The following CCDC40 variants were observed in gnomAD, a reference collection of about 807,000 sequenced individuals.
The protein encoded by CCDC40 is coiled-coil domain-containing protein 40.
Under a neutral mutation model 124.5 loss-of-function variants are expected in CCDC40, and 104 were observed. That is an observed-to-expected ratio of 0.84 (90% confidence interval 0.71 to 0.98). The LOEUF (loss-of-function observed/expected upper bound fraction) is 0.98, where lower values mean the gene tolerates loss of function less well. CCDC40 is among the 50% of genes least tolerant of loss of function. The pLI, the probability that CCDC40 is intolerant of heterozygous loss-of-function variation, is 0.00. For synonymous variants in CCDC40, 580 were observed against 602.9 expected (o/e 0.96, Z 0.56); for missense variants, 1,463 against 1,503.9 (o/e 0.97, Z 0.45).
chr17:80,066,015 G>A lies in CCDC40; in HGVS notation c.1562+409G>A. 1 of 682,076 alleles carries A rather than the reference G, an allele frequency of 1.5e-6. No individual in the cohort carries two copies. The highest frequency in any genetic ancestry group is 2.7e-6 in the Non-Finnish European group (1 of 374,498). The allele number at this position is 682,076 out of a possible 1,614,324, so 42.3% of individuals were successfully genotyped here. ...CGAAATCCTATTTTAATCTCCAAAG[G>A]AAGGGGAGGAAGAGGCCTCCTCTGG... On this transcript the variant is annotated intron_variant, in intron 10 of 19. Transcript: ENST00000397545. This position sits in a 1 kb window ranked among gnomAD's most constrained non-coding sequence, Gnocchi z 4.4.
Position 80,074,375 on chromosome 17 carries a change from C to G in CCDC40, c.1563-7171C>G, listed in dbSNP as rs761327268. ...AATACAAAAAGTTATCCAGGCATGG[C>G]GGCAGGTGCTGAGGCAGGAGAATCA... On this transcript the variant is annotated intron_variant, in intron 10 of 19. Coordinates refer to ENST00000397545, the MANE Select transcript of CCDC40 (RefSeq NM_017950.4). Among the ~76,000 whole-genome samples the G allele has an allele frequency of 2.6e-5, 4 of 152,224 alleles. No homozygotes were observed. The East Asian group carries it at 7.8e-4, about 30-fold the overall frequency.
Position 80,048,614 on chromosome 17 carries a change from C to T in CCDC40, c.708C>T (p.Pro236=), listed in dbSNP as rs769809719. Residue 236 remains proline, a synonymous_variant, in exon 5 of 20, where the codon CCC becomes CCT. Transcript: ENST00000397545. Reference sequence around the variant, plus strand: ...CCCCAGGGGTGCCCGATGCCCACCCCAGGGAAGGAGACCTGCCAGTGTTCC... The same window carrying T: ...CCCCAGGGGTGCCCGATGCCCACCCTAGGGAAGGAGACCTGCCAGTGTTCC... ...VIPPGVPDAH[P]REGDLPVFQD... The T allele has an allele frequency of 1.1e-5, 18 of 1,613,906 alleles. No individual in the cohort carries two copies. The highest frequency in any genetic ancestry group is 5.0e-5 in the Admixed American group (3 of 60,006).
At chr17:80,051,668 C>G (rs1483310419) in intron 7 of CCDC40, among the ~76,000 whole-genome samples, 1 of 149,604 alleles carries the variant, frequency 6.7e-6, no homozygotes, top group Non-Finnish European at 1.5e-5. Context: ...AAAAGAACCT[C>G]TCTCCAGTTA....
intron 10 of CCDC40, among the ~76,000 whole-genome samples, chr17:80,080,201 A>G (rs2038414446): frequency 1.1e-5 from 1 of 92,286 alleles, no homozygotes; most frequent in African/African-American, 5.2e-5. Flanking sequence ...CTCAAAAAAA[A>G]AAAAAGAAAG....
At chr17:80,061,654 C>T (rs1434049894) in intron 9 of CCDC40, among the ~76,000 whole-genome samples, 1 of 152,190 alleles carries the variant, frequency 6.6e-6, no homozygotes, top group African/African-American at 2.4e-5. Context: ...ATTTCCAGTA[C>T]CCAGAACAGT....
intron 7 of CCDC40, 25 bp downstream of exon 7, chr17:80,050,308 C>T (rs368725267): frequency 1.2e-5 from 18 of 1,532,616 alleles, no homozygotes; most frequent in African/African-American, 6.9e-5. Flanking sequence ...CAGCCCCACA[C>T]GCCATCCGGT....
intron 17 of CCDC40, chr17:80,090,845 T>C: frequency 8.7e-7 from 1 of 1,149,464 alleles, no homozygotes; most frequent in South Asian, 2.3e-5. Flanking sequence ...TGCTGAGTTA[T>C]TTTTCAGATC....
Position 80,063,233 on chromosome 17 carries a change from G to C in CCDC40, c.1441-2252G>C, listed in dbSNP as rs1277786295. On this transcript the variant is annotated intron_variant, in intron 9 of 19. Transcript: ENST00000397545. ...ATAGGAGATTATGAAACAATATATA[G>C]AATTTGATTTCGCACACACACACAA... is the stretch of plus-strand genomic sequence containing the variant. Among the ~76,000 whole-genome samples, 4 of 152,042 alleles carry C rather than the reference G, an allele frequency of 2.6e-5. No individual in the cohort carries two copies. The East Asian group carries it at 7.7e-4, about 29-fold the overall frequency.
chr17:80,098,674 C>T (rs1324040799), intron 19 of CCDC40, among the ~76,000 whole-genome samples: 1 of 152,166 alleles, frequency 6.6e-6, no homozygotes, highest in Non-Finnish European at 1.5e-5. Context: ...CACGGTGGCT[C>T]ATGCCTGTAA....
intron 19 of CCDC40, among the ~76,000 whole-genome samples, chr17:80,099,100 G>A (rs1598558572): frequency 6.7e-6 from 1 of 150,032 alleles, no homozygotes; most frequent in East Asian, 2.0e-4. Context: ...GGCTAACACG[G>A]TGAAACCCTG....
chr17:80,077,089 G>A (rs1314603196), intron 10 of CCDC40, among the ~76,000 whole-genome samples: 1 of 152,130 alleles, frequency 6.6e-6, no homozygotes, highest in Non-Finnish European at 1.5e-5. Flanking sequence ...ATAGACTACA[G>A]TAAAGTATGC....
Position 80,087,648 on chromosome 17 carries a change from C to T in CCDC40, c.2491C>T (p.His831Tyr). The change falls in exon 15 of 20, where the codon CAC (histidine) becomes TAC (tyrosine). Residue 831 changes from histidine (H) to tyrosine (Y), a missense_variant. Coordinates refer to ENST00000397545, the MANE Select transcript of CCDC40 (RefSeq NM_017950.4). This position sits in a 1 kb window ranked among gnomAD's most constrained non-coding sequence, Gnocchi z 4.5. The part of the protein sequence containing the change: ...QEKKEQKEIE[H>Y]HMKDLDNDLK... ...GAAGAAGGAGCAGAAGGAGATCGAG[C>T]ACCACATGAAGGACCTGGACAACGA... is the stretch of plus-strand genomic sequence containing the variant. 3 of 1,614,076 alleles carry T rather than the reference C, an allele frequency of 1.9e-6. No homozygotes were observed. The highest frequency in any genetic ancestry group is 2.5e-6 in the Non-Finnish European group (3 of 1,179,940).
rs1208273930 is a variant in CCDC40, at chr17:80,084,829, G to A, written c.2076G>A (p.Gln692=). The A allele has an allele frequency of 1.9e-6, 3 of 1,614,212 alleles. No homozygotes were observed. Among genetic ancestry groups the A allele is most frequent in the Non-Finnish European group, 2.5e-6 (3 of 1,180,048 alleles). The part of the protein sequence containing the change: ...THTSSRLDAH[Q]KTLVELDQDV... ...CCAGCAGCAGGCTGGACGCACACCAGAAGACCCTGGTGGAGCTGGACCAGG... is the reference window on the plus strand; with the variant it reads ...CCAGCAGCAGGCTGGACGCACACCAAAAGACCCTGGTGGAGCTGGACCAGG... The change falls in exon 13 of 20, where the codon CAG becomes CAA. Residue 692 remains glutamine, a synonymous_variant. Transcript: ENST00000397545.
chr17:80,078,284 TCA>T, intron 10 of CCDC40, among the ~76,000 whole-genome samples: 1 of 135,680 alleles, frequency 7.4e-6, no homozygotes, highest in Admixed American at 8.6e-5. Context: ...GGAGCCAAGA[TCA>T]CGCCACTGCA....
chr17:80,041,401 G>A (rs2037278727), intron 3 of CCDC40, among the ~76,000 whole-genome samples: 1 of 151,944 alleles, frequency 6.6e-6, no homozygotes. Context: ...CCAGCTACTC[G>A]GGAGGCTGAG....
At chr17:80,081,060 A>G (rs555551749) in intron 10 of CCDC40, among the ~76,000 whole-genome samples, 1 of 152,170 alleles carries the variant, frequency 6.6e-6, no homozygotes, top group African/African-American at 2.4e-5. Flanking sequence ...ATCCATAAAA[A>G]TTTTTTAAAG....
chr17:80,087,771 C>A lies in CCDC40; in HGVS notation c.2614C>A (p.Leu872Met), dbSNP rs1351266176. 1.2e-6 allele frequency: 2 copies of A among 1,613,952 alleles called. No individual in the cohort carries two copies. The highest frequency in any genetic ancestry group is 2.7e-5 in the African/African-American group (2 of 74,920). Reference protein sequence around the residue: ...RVTENEFVRSLKASERETIKM... With the variant: ...RVTENEFVRSMKASERETIKM... Reference sequence around the variant, plus strand: ...GACAGAGAATGAGTTCGTGCGCTCGCTGAAGGTCCGGCCGTGTCCACGCAG... The same window carrying A: ...GACAGAGAATGAGTTCGTGCGCTCGATGAAGGTCCGGCCGTGTCCACGCAG... Residue 872 changes from leucine (L) to methionine (M), a missense_variant, in exon 15 of 20, where the codon CTG becomes ATG. By Grantham distance (15) the Leu-to-Met change is conservative. Coordinates refer to ENST00000397545, the MANE Select transcript of CCDC40 (RefSeq NM_017950.4). This position sits in a 1 kb window ranked among gnomAD's most constrained non-coding sequence, Gnocchi z 4.5.
At chr17:80,094,631 G>T (rs1324387725) in intron 17 of CCDC40, among the ~76,000 whole-genome samples, 2 of 152,138 alleles carry the variant, frequency 1.3e-5, no homozygotes, top group Non-Finnish European at 2.9e-5. Context: ...GGAGGCGAAG[G>T]TTGCAGTGAG....
Position 80,086,330 on chromosome 17 carries a change from T to A in CCDC40, c.2449+114T>A. The A allele has an allele frequency of 1.2e-6, 1 of 825,204 alleles. No homozygotes were observed. Among genetic ancestry groups the A allele is most frequent in the Non-Finnish European group, 2.0e-6 (1 of 495,504 alleles). The allele number at this position is 825,204 out of a possible 1,614,324, so 51.1% of individuals were successfully genotyped here. On this transcript the variant is annotated intron_variant, in intron 14 of 19. Coordinates refer to ENST00000397545, the MANE Select transcript of CCDC40 (RefSeq NM_017950.4). This position sits in a 1 kb window ranked among gnomAD's most constrained non-coding sequence, Gnocchi z 5.5. ...ACGTCGCTGGATTTGCACGCAGCCT[T>A]AAAAGCAAATAACAAACGCGCATGC...
Sources: gnomAD v4.1 joint callset for allele counts (sites outside exome capture counted in the v4.1 genomes callset) on GRCh38, gnomAD v4.1.1 for gene constraint, Gnocchi (gnomAD v3.1) non-coding constraint, MANE v1.5 for transcripts, NCBI Gene and HGNC (gene_info 2026-07-23, HGNC 2026-07-21) for gene names.